Variants in ELMOD1 observed in about 807,000 individuals in gnomAD.
ELMOD1 encodes ELMO domain-containing protein 1.
ELMOD1 carries 21 observed loss-of-function variants against 46.7 expected under a neutral mutation model. The observed-to-expected ratio is 0.45, with a 90% confidence interval of 0.32 to 0.65. The LOEUF (loss-of-function observed/expected upper bound fraction) is 0.65. Among genes scored for constraint, ELMOD1 ranks in the 30% least tolerant of loss-of-function variants. ELMOD1 has a pLI of 0.04. For synonymous variants in ELMOD1, 122 were observed against 138.2 expected (o/e 0.88, Z 0.82); for missense variants, 348 against 407.8 (o/e 0.85, Z 1.26).
At chr11:107,645,525 A>G (rs913583000) in intron 6 of ELMOD1, among the ~76,000 whole-genome samples, 1 of 150,866 alleles carries the variant, frequency 6.6e-6, no homozygotes, top group Non-Finnish European at 1.5e-5. Flanking sequence ...GGGTTTCACT[A>G]TCTTGGCCAG....
intron 1 of ELMOD1, among the ~76,000 whole-genome samples, chr11:107,598,468 T>C (rs559570804): frequency 6.6e-6 from 1 of 152,332 alleles, no homozygotes; most frequent in Non-Finnish European, 1.5e-5. Context: ...AGAAACACCC[T>C]CATAGGTGCA....
At chr11:107,644,340 A>G (rs543700563) in intron 6 of ELMOD1, among the ~76,000 whole-genome samples, 45 of 152,122 alleles carry the variant, frequency 3.0e-4, no homozygotes, top group African/African-American at 8.2e-4. Context: ...ATGTTTTACT[A>G]AGCATTTAAT....
chr11:107,641,208 C>T (rs1866316535), intron 6 of ELMOD1, among the ~76,000 whole-genome samples: 1 of 152,062 alleles, frequency 6.6e-6, no homozygotes, highest in African/African-American at 2.4e-5. Context: ...ACTAGAATCA[C>T]TTGAGCCTGG....
intron 6 of ELMOD1, chr11:107,643,062 C>T: frequency 4.4e-6 from 1 of 228,148 alleles, no homozygotes; most frequent in South Asian, 5.9e-5. Context: ...AAGCATGTGG[C>T]CAGGCACAGT....
At chr11:107,617,313 C>T (rs911121663) in intron 1 of ELMOD1, among the ~76,000 whole-genome samples, 20 of 152,128 alleles carry the variant, frequency 1.3e-4, no homozygotes, top group Admixed American at 1.2e-3. Flanking sequence ...AATGTATATT[C>T]GTTTCCTTGC....
intron 1 of ELMOD1, among the ~76,000 whole-genome samples, chr11:107,602,390 T>G (rs12271970): frequency 0.12 from 18,324 of 152,170 alleles, 1,349 homozygotes; most frequent in African/African-American, 0.21. Context: ...GAGTTTCCTG[T>G]ATTATTTCTT....
At chr11:107,613,569 G>A (rs775590442) in intron 1 of ELMOD1, among the ~76,000 whole-genome samples, 1 of 152,086 alleles carries the variant, frequency 6.6e-6, no homozygotes, top group Non-Finnish European at 1.5e-5. Flanking sequence ...TTTTTACAAG[G>A]GATAAATTCA....
chr11:107,649,056 A>G (rs1366809909), intron 7 of ELMOD1, among the ~76,000 whole-genome samples: 5 of 152,188 alleles, frequency 3.3e-5, no homozygotes, highest in Non-Finnish European at 2.9e-5. Flanking sequence ...AAATTTAAGA[A>G]GTTTAATAAT....
In ELMOD1 at chr11:107,666,594, T is replaced by C. The variant is rs185158930; in HGVS notation, c.*1397T>C. ...TTAAAAACCATGATTTAGTTTGGAATTATGATTGTAGTCTGTTGAATAGTA... is the reference window on the plus strand; with the variant it reads ...TTAAAAACCATGATTTAGTTTGGAACTATGATTGTAGTCTGTTGAATAGTA... On this transcript the variant is annotated 3_prime_UTR_variant, in exon 12 of 12. Transcript: ENST00000265840. 3.5e-3 allele frequency: 532 copies of C among 152,756 alleles called. 15 individuals are homozygous for C. Among genetic ancestry groups the C allele is most frequent in the East Asian group, 1.5e-3 (8 of 5,190 alleles). The allele number at this position is 152,756 out of a possible 1,614,324, so 9.5% of individuals were successfully genotyped here. A position where few individuals can be genotyped will look rare whatever the true frequency, so the allele number is the denominator to read the frequency against.
intron 1 of ELMOD1, among the ~76,000 whole-genome samples, chr11:107,615,528 C>T (rs1342151805): frequency 2.0e-5 from 3 of 152,000 alleles, no homozygotes; most frequent in Non-Finnish European, 2.9e-5. Context: ...CCACCACACC[C>T]AGCCTGTTGT....
chr11:107,660,248 T>C (rs889849581), intron 11 of ELMOD1, among the ~76,000 whole-genome samples: 5 of 152,200 alleles, frequency 3.3e-5, no homozygotes, highest in Non-Finnish European at 5.9e-5. Flanking sequence ...ACAAATATGC[T>C]GCAGGCTGGA....
chr11:107,606,553 G>A (rs1048242654), intron 1 of ELMOD1, among the ~76,000 whole-genome samples: 5 of 152,196 alleles, frequency 3.3e-5, no homozygotes, highest in Admixed American at 2.0e-4. Context: ...CTACATTGGC[G>A]GCAGAGCGCG....
intron 6 of ELMOD1, among the ~76,000 whole-genome samples, chr11:107,640,569 T>C (rs2135699212): frequency 6.6e-6 from 1 of 152,258 alleles, no homozygotes; most frequent in Non-Finnish European, 1.5e-5. Context: ...CATAATACAG[T>C]ATAAATTATT....
At chr11:107,604,861 G>C (rs957395789) in intron 1 of ELMOD1, among the ~76,000 whole-genome samples, 6 of 152,312 alleles carry the variant, frequency 3.9e-5, no homozygotes, top group Admixed American at 3.9e-4. Context: ...CTTAAGAGCA[G>C]AGTACCCTGC....
intron 3 of ELMOD1, 26 bp from the exon 4 acceptor site, chr11:107,630,674 G>A: frequency 1.2e-6 from 2 of 1,607,208 alleles, no homozygotes; most frequent in Non-Finnish European, 1.7e-6. Context: ...ATCTTTGAAT[G>A]ACTGTTTTTG....
rs909408736 is a variant in ELMOD1, at chr11:107,641,924, T to C, written c.421-5544T>C. On this transcript the variant is annotated intron_variant, in intron 6 of 11. Coordinates refer to ENST00000265840, the MANE Select transcript of ELMOD1 (RefSeq NM_018712.4). ...CATTACTACCTTTTTAGTAAATGGA[T>C]TGTATGAGCTTACTCTTTTTTTTTT... 6.0e-5 allele frequency among the ~76,000 whole-genome samples: 9 copies of C among 150,700 alleles called. No individual in the cohort carries two copies. The East Asian group carries it at 1.5e-3, about 26-fold the overall frequency.
intron 2 of ELMOD1, among the ~76,000 whole-genome samples, chr11:107,622,415 A>G (rs1182732305): frequency 6.6e-6 from 1 of 152,196 alleles, no homozygotes; most frequent in Non-Finnish European, 1.5e-5. Flanking sequence ...AGCCCAGAGC[A>G]TGGCAACATT....
intron 6 of ELMOD1, among the ~76,000 whole-genome samples, chr11:107,640,156 A>G (rs931171484): frequency 1.2e-4 from 18 of 152,188 alleles, no homozygotes; most frequent in African/African-American, 4.3e-4. Context: ...GGCATGAGCC[A>G]CAGCGCCTGG....
intron 11 of ELMOD1, among the ~76,000 whole-genome samples, chr11:107,657,321 A>G (rs1482676317): frequency 6.6e-6 from 1 of 152,202 alleles, no homozygotes; most frequent in Non-Finnish European, 1.5e-5. Flanking sequence ...AGGCGGGAAG[A>G]TTACTTGAGC....
Sources: allele counts gnomAD v4.1 joint callset (sites outside exome capture counted in the v4.1 genomes callset), GRCh38; gene constraint gnomAD v4.1.1; transcripts MANE v1.5; gene names NCBI Gene and HGNC (gene_info 2026-07-23, HGNC 2026-07-21).